The following CLN8 variants were observed in gnomAD, a reference collection of about 807,000 sequenced individuals.
CLN8 encodes the protein CLN8 transmembrane ER and ERGIC protein, also known as protein CLN8.
Under a neutral mutation model 15.7 loss-of-function variants are expected in CLN8, and 14 were observed. The observed-to-expected ratio is 0.89, with a 90% CI of 0.59 to 1.39. CLN8 has a LOEUF of 1.39. Among genes scored for constraint, CLN8 ranks in the 40% most tolerant of loss-of-function variants. The pLI is 0.00. For synonymous variants in CLN8, 188 were observed against 151.0 expected, an observed-to-expected ratio of 1.25 and a Z score of -1.80; for missense variants, 415 against 364.0, an observed-to-expected ratio of 1.14 and a Z score of -1.14.
At position 1,782,506 on chromosome 8, in the gene CLN8, A is replaced by G. The variant is rs935698172; in HGVS notation, c.*1939A>G. On this transcript the variant is annotated 3_prime_UTR_variant, in exon 3 of 3. Coordinates refer to ENST00000331222, the MANE Select transcript of CLN8 (RefSeq NM_018941.4). ...TATTGACCAAGGTGTATAGTAACCT[A>G]TTTATCACATTTTACGAAGCAATTT... is the stretch of plus-strand genomic sequence containing the variant. The G allele has an allele frequency of 6.6e-6, 1 of 152,160 alleles. No individual in the cohort carries two copies. The highest frequency in any genetic ancestry group is 2.4e-5 in the African/African-American group (1 of 41,422). The allele number at this position is 152,160 out of a possible 1,614,324, so 9.4% of individuals were successfully genotyped here.
At chr8:1,780,031 G>A (rs1053303144) in intron 2 of CLN8, 3 of 985,368 alleles carry the variant, frequency 3.0e-6, no homozygotes, top group Non-Finnish European at 3.6e-6. Context: ...GCATGAGCGG[G>A]CAAGGGTCAG....
At chr8:1,769,960 C>T (rs1183273667) in intron 1 of CLN8, among the ~76,000 whole-genome samples, 5 of 152,212 alleles carry the variant, frequency 3.3e-5, no homozygotes, top group Non-Finnish European at 7.3e-5. Context: ...AGTCTCCCGC[C>T]TTCACAGCAG....
chr8:1,765,691 A>G (rs1801023443), intron 1 of CLN8, among the ~76,000 whole-genome samples: 1 of 152,242 alleles, frequency 6.6e-6, no homozygotes, highest in South Asian at 2.1e-4. Context: ...ATGCTGAGAG[A>G]AGATTGCCAG....
At position 1,785,911 on chromosome 8, in the gene CLN8, G is replaced by C. The variant is rs1801820741; in HGVS notation, c.*5344G>C. ...CAGCCCTCAGGGTCTCCAGACCCCA[G>C]CCCCACTCACACAGCAGCCTAGGAA... On this transcript the variant is annotated 3_prime_UTR_variant, in exon 3 of 3. Transcript: ENST00000331222. 1 of 153,970 alleles carries C rather than the reference G, an allele frequency of 6.5e-6. No homozygotes were observed. The highest frequency in any genetic ancestry group is 1.9e-4 in the East Asian group (1 of 5,264). The allele number at this position is 153,970 out of a possible 1,614,324, so 9.5% of individuals were successfully genotyped here. A position where few individuals can be genotyped will look rare whatever the true frequency, so the allele number is the denominator to read the frequency against.
At chr8:1,761,667 C>T (rs1800799973), upstream of CLN8, among the ~76,000 whole-genome samples, 1 of 152,122 alleles carries the variant, frequency 6.6e-6, no homozygotes, top group Non-Finnish European at 1.5e-5. Context: ...AGGTAGGGGG[C>T]CAGTAAGCTG....
chr8:1,774,713 C>T (rs1425002725), intron 2 of CLN8, among the ~76,000 whole-genome samples: 1 of 152,218 alleles, frequency 6.6e-6, no homozygotes, highest in Non-Finnish European at 1.5e-5. Context: ...CACTGTCAGG[C>T]CAAGTGCGGT....
intron 2 of CLN8, among the ~76,000 whole-genome samples, chr8:1,779,292 G>C (rs1165503424): frequency 2.6e-5 from 4 of 152,150 alleles, no homozygotes; most frequent in Non-Finnish European, 5.9e-5. Context: ...CTCCAGACTA[G>C]ATTGCAGTGG....
chr8:1,766,736 C>T (rs1801077668), intron 1 of CLN8, among the ~76,000 whole-genome samples: 1 of 152,196 alleles, frequency 6.6e-6, no homozygotes, highest in Non-Finnish European at 1.5e-5. Context: ...TGACTTCCAG[C>T]TGTGCATTAC....
intron 1 of CLN8, among the ~76,000 whole-genome samples, chr8:1,768,094 C>T (rs1285036626): frequency 1.3e-5 from 2 of 151,960 alleles, no homozygotes; most frequent in East Asian, 1.9e-4. Context: ...CAGGTGCGCA[C>T]CACCACGCCT....
intron 1 of CLN8, among the ~76,000 whole-genome samples, chr8:1,765,750 C>G (rs1801026152): frequency 1.3e-5 from 2 of 152,152 alleles, no homozygotes; most frequent in Admixed American, 6.5e-5. Flanking sequence ...AAACCACAGC[C>G]TTTGGGATTG....
At chr8:1,769,975 A>T (rs1801234298) in intron 1 of CLN8, among the ~76,000 whole-genome samples, 1 of 152,236 alleles carries the variant, frequency 6.6e-6, no homozygotes, top group African/African-American at 2.4e-5. Context: ...CAGCAGTCCC[A>T]ATCAGTCACA....
upstream of CLN8, chr8:1,762,684 C>T (rs1398344022): frequency 2.0e-5 from 3 of 152,196 alleles, no homozygotes; most frequent in African/African-American, 4.8e-5. Flanking sequence ...TTTAAACGTC[C>T]TATTTAATCC....
intron 1 of CLN8, among the ~76,000 whole-genome samples, chr8:1,756,986 A>T (rs1800686364): frequency 6.6e-6 from 1 of 152,074 alleles, no homozygotes; most frequent in Admixed American, 6.6e-5. Context: ...CCTGGCCTGA[A>T]TTAAGCATTT....
At chr8:1,757,572 C>A (rs1448537797) in intron 1 of CLN8, among the ~76,000 whole-genome samples, 1 of 152,168 alleles carries the variant, frequency 6.6e-6, no homozygotes, top group Non-Finnish European at 1.5e-5. Flanking sequence ...TCCCAAATTG[C>A]TGGAATTACA....
upstream of CLN8, among the ~76,000 whole-genome samples, chr8:1,753,537 C>G (rs1469833439): frequency 6.9e-6 from 1 of 145,746 alleles, no homozygotes; most frequent in Non-Finnish European, 1.5e-5. Context: ...CGCCATTGCA[C>G]TCCAGCCTGG....
At chr8:1,774,381 A>G (rs1024835016) in intron 2 of CLN8, among the ~76,000 whole-genome samples, 10 of 152,368 alleles carry the variant, frequency 6.6e-5, no homozygotes, top group African/African-American at 2.4e-4. Flanking sequence ...CAGTATGTCT[A>G]CATAGTTCTA....
chr8:1,759,079 G>C (rs1800733992), upstream of CLN8: 1 of 152,214 alleles, frequency 6.6e-6, no homozygotes, highest in Non-Finnish European at 1.5e-5. Flanking sequence ...TTGGAATGTA[G>C]TATCTTATTG....
upstream of CLN8, among the ~76,000 whole-genome samples, chr8:1,761,159 A>G (rs1800787542): frequency 6.6e-6 from 1 of 151,192 alleles, no homozygotes. Flanking sequence ...AGCTGGGATT[A>G]CAGGCTACTG....
chr8:1,771,420 C>G lies in CLN8; in HGVS notation c.366C>G (p.His122Gln). ...TTTGCTTTGAAAATGTTGCAGTCCA[C>G]CTGTCCAACTTGATCTTCCGGACAT... Reference protein sequence around the residue: ...GFFCFENVAVHLSNLIFRTFD... With the variant: ...GFFCFENVAVQLSNLIFRTFD... The change falls in exon 2 of 3, where the codon CAC (histidine) becomes CAG (glutamine). Residue 122 changes from histidine to glutamine, a missense_variant. By Grantham distance (24) the His-to-Gln change is conservative. Transcript: ENST00000331222. 1 of 1,614,210 alleles carries G rather than the reference C, an allele frequency of 6.2e-7. No individual in the cohort carries two copies. The highest frequency in any genetic ancestry group is 8.5e-7 in the Non-Finnish European group (1 of 1,180,044).
Sources: allele counts gnomAD v4.1 joint callset (sites outside exome capture counted in the v4.1 genomes callset), GRCh38; gene constraint gnomAD v4.1.1; transcripts MANE v1.5; gene names NCBI Gene and HGNC (gene_info 2026-07-23, HGNC 2026-07-21).